Variants in NIBAN1 observed in about 807,000 individuals in gnomAD.
NIBAN1 encodes the protein protein Niban 1.
A neutral mutation model predicts 75.1 loss-of-function variants in NIBAN1; 81 were observed. The observed-to-expected ratio is 1.08, with a 90% CI of 0.90 to 1.30. NIBAN1 has a LOEUF of 1.30. NIBAN1 is among the 50% of genes most tolerant of loss of function. NIBAN1 has a pLI of 0.00. For missense variants in NIBAN1, 1,133 were observed against 1,128.1 expected, an observed-to-expected ratio of 1.00 and a Z score of -0.06; for synonymous variants, 436 against 424.8, an observed-to-expected ratio of 1.03 and a Z score of -0.32.
chr1:184,797,220 A>T (rs2102178420), intron 13 of NIBAN1, among the ~76,000 whole-genome samples: 1 of 149,248 alleles, frequency 6.7e-6, no homozygotes, highest in Admixed American at 6.7e-5. Flanking sequence ...GCTCACTGGA[A>T]CCTCTGCCTC....
In NIBAN1 at chr1:184,951,475, C is replaced by G. The variant is rs192929469; in HGVS notation, c.55+22827G>C. Reference sequence around the variant, plus strand: ...TCAATAAGCAGCAACTCCATTCTTTCTTTTGTTCAGGTCAGAAATTGTGGA... The same window carrying G: ...TCAATAAGCAGCAACTCCATTCTTTGTTTTGTTCAGGTCAGAAATTGTGGA... On this transcript the variant is annotated intron_variant, in intron 1 of 13. Coordinates refer to ENST00000367511, the MANE Select transcript of NIBAN1 (RefSeq NM_052966.4). Among the ~76,000 whole-genome samples the G allele has an allele frequency of 3.4e-4, 52 of 152,322 alleles. 3 individuals carry two copies. In the East Asian group the frequency reaches 9.6e-3, roughly 28 times the overall value.
chr1:184,810,025 G>T (rs1184545252), intron 9 of NIBAN1, among the ~76,000 whole-genome samples: 1 of 152,104 alleles, frequency 6.6e-6, no homozygotes, highest in African/African-American at 2.4e-5. Flanking sequence ...GTTGCTTGAG[G>T]GGAGGAGGTG....
At chr1:184,843,586 G>A (rs1329900769) in intron 5 of NIBAN1, among the ~76,000 whole-genome samples, 2 of 152,154 alleles carry the variant, frequency 1.3e-5, no homozygotes, top group Admixed American at 1.3e-4. Flanking sequence ...ATAGCCACCG[G>A]AGCAAAGTCA....
chr1:184,954,130 T>C (rs1333962709), intron 1 of NIBAN1, among the ~76,000 whole-genome samples: 1 of 152,178 alleles, frequency 6.6e-6, no homozygotes, highest in African/African-American at 2.4e-5. Flanking sequence ...AATGTGATTT[T>C]ATGGAAATCG....
At chr1:184,913,156 A>ATATATATATATATAT (rs1442088032) in intron 1 of NIBAN1, among the ~76,000 whole-genome samples, 5 of 146,464 alleles carry the variant, frequency 3.4e-5, no homozygotes, top group Non-Finnish European at 6.0e-5. Context: ...TATATATATT[A>ATATATATATATATAT]TATATATATG....
chr1:184,928,000 G>T (rs959020415), intron 1 of NIBAN1, among the ~76,000 whole-genome samples: 1 of 152,006 alleles, frequency 6.6e-6, no homozygotes, highest in Non-Finnish European at 1.5e-5. Context: ...CAATGCCCAT[G>T]GCAAGTACTG....
chr1:184,858,032 C>A (rs557725503), intron 5 of NIBAN1, among the ~76,000 whole-genome samples: 8 of 151,580 alleles, frequency 5.3e-5, no homozygotes, highest in Admixed American at 2.6e-4. Flanking sequence ...AATCCAAAAG[C>A]CATAAAAATA....
At chr1:184,974,197 C>T in intron 1 of NIBAN1, 105 bp downstream of exon 1, 3 of 1,208,458 alleles carry the variant, frequency 2.5e-6, no homozygotes, top group Non-Finnish European at 3.2e-6. Flanking sequence ...TCCCCGCGCG[C>T]TACAGGGAGA....
intron 5 of NIBAN1, chr1:184,868,084 T>C (rs1165776325): frequency 1.0e-6 from 1 of 984,248 alleles, no homozygotes; most frequent in African/African-American, 1.7e-5. Flanking sequence ...AGGGGCTTTG[T>C]CTGGTAAGAT....
intron 1 of NIBAN1, among the ~76,000 whole-genome samples, chr1:184,949,712 C>A (rs571544800): frequency 3.3e-5 from 5 of 152,282 alleles, no homozygotes; most frequent in African/African-American, 9.6e-5. Flanking sequence ...GCAGAGGAGT[C>A]ATTAGTCCTG....
chr1:184,856,904 G>C (rs1655692875), intron 5 of NIBAN1, among the ~76,000 whole-genome samples: 1 of 152,184 alleles, frequency 6.6e-6, no homozygotes, highest in South Asian at 2.1e-4. Context: ...TTGGAATATG[G>C]ATGTTTTCAT....
intron 11 of NIBAN1, among the ~76,000 whole-genome samples, chr1:184,805,695 A>G (rs6664204): frequency 0.086 from 13,123 of 152,102 alleles, 1,789 homozygotes; most frequent in African/African-American, 0.29. Flanking sequence ...TTGGATCTCT[A>G]TGAAGGCTGG....
In NIBAN1 at chr1:184,872,239, C is replaced by T. The variant is rs10911655; in HGVS notation, c.601+12394G>A. 5.5e-3 allele frequency among the ~76,000 whole-genome samples: 829 copies of T among 150,044 alleles called. 8 individuals are homozygous for T. Among genetic ancestry groups the T allele is most frequent in the African/African-American group, 0.016 (646 of 40,738 alleles). ...TTAAATGACCAGATTAGAAAAAGAA[C>T]GAAAATAATTAATAGAAATGAAAAA... On this transcript the variant is annotated intron_variant, in intron 5 of 13. Transcript: ENST00000367511.
intron 6 of NIBAN1, among the ~76,000 whole-genome samples, chr1:184,831,305 TC>T (rs1654993372): frequency 1.3e-5 from 2 of 152,224 alleles, no homozygotes; most frequent in Non-Finnish European, 2.9e-5. Context: ...TTTGTTTTTT[TC>T]ATTACTTCAT....
intron 1 of NIBAN1, among the ~76,000 whole-genome samples, chr1:184,951,422 CAA>C (rs1658354458): frequency 6.6e-6 from 1 of 152,196 alleles, no homozygotes; most frequent in Non-Finnish European, 1.5e-5. Context: ...TTTTCTCCAT[CAA>C]ATGTGTTCCC....
intron 1 of NIBAN1, among the ~76,000 whole-genome samples, chr1:184,917,140 G>C (rs1312685509): frequency 1.3e-5 from 2 of 151,886 alleles, no homozygotes; most frequent in African/African-American, 4.8e-5. Context: ...ATGAGCCCCA[G>C]CCTGGGCTGG....
chr1:184,960,657 T>C (rs1557932018), intron 1 of NIBAN1, among the ~76,000 whole-genome samples: 1 of 151,746 alleles, frequency 6.6e-6, no homozygotes, highest in East Asian at 1.9e-4. Context: ...AGACGGAGTC[T>C]ACTCTATCTT....
intron 1 of NIBAN1, among the ~76,000 whole-genome samples, chr1:184,930,257 G>A (rs763293125): frequency 3.3e-5 from 5 of 152,150 alleles, no homozygotes; most frequent in Non-Finnish European, 5.9e-5. Flanking sequence ...GCAAATGATC[G>A]GCAATGAAAT....
In NIBAN1 at chr1:184,805,807, T is replaced by C. The variant is rs1196528574; in HGVS notation, c.1446+139A>G. On this transcript the variant is annotated intron_variant, in intron 11 of 13. Coordinates refer to ENST00000367511, the MANE Select transcript of NIBAN1 (RefSeq NM_052966.4). The stretch of plus-strand genomic sequence containing the variant: ...TCACACTGGAGAAACTGCAGCGGAC[T>C]GACAGTCACTGGACTTGGGAGAGAA... The C allele has an allele frequency of 7.3e-5, 48 of 661,904 alleles. No homozygotes were observed. The Admixed American group carries it at 1.2e-3, about 17-fold the overall frequency. 41.0% of individuals were successfully genotyped at this position (661,904 alleles called of 1,614,324 possible).
Sources: gnomAD v4.1 joint callset for allele counts (sites outside exome capture counted in the v4.1 genomes callset) on GRCh38, gnomAD v4.1.1 for gene constraint, MANE v1.5 for transcripts, NCBI Gene and HGNC (gene_info 2026-07-23, HGNC 2026-07-21) for gene names.